IFNK: variants seen among roughly 807,000 people sequenced by gnomAD.
IFNK encodes the protein IFN-kappa.
Under a neutral mutation model 12.0 loss-of-function variants are expected in IFNK, and 13 were observed. The ratio of observed to expected loss-of-function variants is 1.08; its 90% CI spans 0.70 to 1.72. The LOEUF (loss-of-function observed/expected upper bound fraction) is 1.72, where lower values mean the gene tolerates loss of function less well. Ranked by LOEUF, IFNK falls within the 40% of genes most tolerant of loss-of-function variation. The pLI is 0.00. For synonymous variants in IFNK, 94 were observed against 82.3 expected, an observed-to-expected ratio of 1.14 and a Z score of -0.77; for missense variants, 248 against 237.0, an observed-to-expected ratio of 1.05 and a Z score of -0.30.
In IFNK at chr9:27,524,469, C is replaced by A. The variant is rs1820396823; in HGVS notation, c.133C>A (p.Leu45Met). 2 of 1,614,064 alleles carry A rather than the reference C, an allele frequency of 1.2e-6. No individual in the cohort carries two copies. Among genetic ancestry groups the A allele is most frequent in the Non-Finnish European group, 1.7e-6 (2 of 1,179,986 alleles). Residue 45 changes from leucine to methionine, a missense_variant, in exon 1 of 2, where the codon CTG (leucine) becomes ATG (methionine). Physicochemically the swap from Leu to Met is conservative, Grantham distance 15. Coordinates refer to ENST00000276943, the MANE Select transcript of IFNK (RefSeq NM_020124.3). ...CCTGAGAAGAGTCACCTGGCAAAAT[C>A]TGAGACATCTGAGTAGTATGAGCAA... Reference protein sequence around the residue: ...VHLRRVTWQNLRHLSSMSNSF... With the variant: ...VHLRRVTWQNMRHLSSMSNSF...
rs1157973358 is a variant in IFNK, at chr9:27,526,453, T to C, written c.*448T>C. The C allele has an allele frequency of 1.3e-5, 2 of 152,252 alleles. No homozygotes were observed. Among genetic ancestry groups the C allele is most frequent in the Non-Finnish European group, 2.9e-5 (2 of 68,044 alleles). 9.4% of individuals were successfully genotyped at this position (152,252 alleles called of 1,614,324 possible). A position where few individuals can be genotyped will look rare whatever the true frequency, so the allele number is the denominator to read the frequency against. Reference sequence around the variant, plus strand: ...GAGCATAAAATATATACTTGCTATTTTTCATGACTTTCTCTAATAAAGTCT... The same window carrying C: ...GAGCATAAAATATATACTTGCTATTCTTCATGACTTTCTCTAATAAAGTCT... On this transcript the variant is annotated 3_prime_UTR_variant, in exon 2 of 2. Coordinates refer to ENST00000276943, the MANE Select transcript of IFNK (RefSeq NM_020124.3).
In IFNK at chr9:27,524,692, A is replaced by C; in HGVS notation, c.356A>C (p.Asp119Ala). 1.2e-6 allele frequency: 2 copies of C among 1,614,130 alleles called. No individual in the cohort carries two copies. Among genetic ancestry groups the C allele is most frequent in the Non-Finnish European group, 1.7e-6 (2 of 1,180,000 alleles). Residue 119 changes from aspartate (D) to alanine (A), a missense_variant, in exon 1 of 2, where the codon GAT becomes GCT. By Grantham distance (126) the Asp-to-Ala change is moderately radical. Transcript: ENST00000276943. The stretch of plus-strand genomic sequence containing the variant: ...CTCAAACAAATCCAAATAGGACTTG[A>C]TCAGCAAGCAGAGTACCTGAACCAA... ...RHLKQIQIGL[D>A]QQAEYLNQCL...
In IFNK at chr9:27,524,886, G is replaced by A. The variant is rs1820406310; in HGVS notation, c.550G>A (p.Glu184Lys). Residue 184 changes from glutamate (E) to lysine (K), a missense_variant, in exon 1 of 2, where the codon GAG becomes AAG. By Grantham distance (56) the Glu-to-Lys change is moderately conservative. Coordinates refer to ENST00000276943, the MANE Select transcript of IFNK (RefSeq NM_020124.3). ...KEKKYSDCAWEIVRVEIRRCL... is the reference protein window; with the variant it reads ...KEKKYSDCAWKIVRVEIRRCL... ...AAAGAAATACAGTGACTGTGCCTGG[G>A]AGATTGTCCGAGTGGAAATCAGAAG... 7 of 1,613,134 alleles carry A rather than the reference G, an allele frequency of 4.3e-6. No individual in the cohort carries two copies. The highest frequency in any genetic ancestry group is 5.9e-6 in the Non-Finnish European group (7 of 1,179,784).
chr9:27,524,671 A>G lies in IFNK; in HGVS notation c.335A>G (p.Lys112Arg), dbSNP rs776197055. The G allele has an allele frequency of 2.1e-5, 34 of 1,614,130 alleles. No homozygotes were observed. Among genetic ancestry groups the G allele is most frequent in the Non-Finnish European group, 2.6e-5 (31 of 1,180,002 alleles). The change falls in exon 1 of 2, where the codon AAA becomes AGA. Residue 112 changes from lysine to arginine, a missense_variant. Lys to Arg is a conservative substitution (Grantham distance 26). Coordinates refer to ENST00000276943, the MANE Select transcript of IFNK (RefSeq NM_020124.3). The stretch of plus-strand genomic sequence containing the variant: ...AAATATTGGAAAGAGAGACACCTCA[A>G]ACAAATCCAAATAGGACTTGATCAG... ...TFKYWKERHLKQIQIGLDQQA... is the reference protein window; with the variant it reads ...TFKYWKERHLRQIQIGLDQQA...
At position 27,526,362 on chromosome 9, in the gene IFNK, G is replaced by A. The variant is rs911949258; in HGVS notation, c.*357G>A. 6.6e-6 allele frequency: 1 copy of A among 152,224 alleles called. No individual in the cohort carries two copies. The highest frequency in any genetic ancestry group is 2.4e-5 in the African/African-American group (1 of 41,452). The allele number at this position is 152,224 out of a possible 1,614,324, so 9.4% of individuals were successfully genotyped here. On this transcript the variant is annotated 3_prime_UTR_variant, in exon 2 of 2. Transcript: ENST00000276943. ...AACCATTTAGTAAAAATAACTATCA[G>A]CAGAGTTGTTCCAGATTAAAAATAG...
chr9:27,524,504 T>C lies in IFNK; in HGVS notation c.168T>C (p.Pro56=). Residue 56 remains proline (P), a synonymous_variant, in exon 1 of 2, where the codon CCT becomes CCC. Coordinates refer to ENST00000276943, the MANE Select transcript of IFNK (RefSeq NM_020124.3). ...TGAGTAGTATGAGCAATTCATTTCC[T>C]GTAGAATGTCTACGAGAAAACATAG... The part of the protein sequence containing the change: ...RHLSSMSNSF[P]VECLRENIAF... 6.2e-7 allele frequency: 1 copy of C among 1,614,128 alleles called. No individual in the cohort carries two copies. Among genetic ancestry groups the C allele is most frequent in the East Asian group, 2.2e-5 (1 of 44,884 alleles).
At chr9:27,525,663 T>G (rs1820425373) in intron 1 of IFNK, among the ~76,000 whole-genome samples, 1 of 152,216 alleles carries the variant, frequency 6.6e-6, no homozygotes, top group South Asian at 2.1e-4. Flanking sequence ...TGTATATTGT[T>G]TGATTCCTAC....
At chr9:27,525,176 T>G (rs1820416852) in intron 1 of IFNK, among the ~76,000 whole-genome samples, 1 of 152,194 alleles carries the variant, frequency 6.6e-6, no homozygotes, top group Non-Finnish European at 1.5e-5. Context: ...CTTTAAGACA[T>G]TTTTAAAGGA....
Position 27,524,945 on chromosome 9 carries a change from A to G in IFNK, c.609A>G (p.Leu203=), listed in dbSNP as rs1346378081. ...CLYYFYKFTA[L]FRRK ...ATTACTTTTACAAATTTACAGCTCT[A>G]TTCAGGAGGAAATAAGGTATATTTT... The change falls in exon 1 of 2, where the codon CTA becomes CTG. Residue 203 remains leucine (L), a synonymous_variant. Coordinates refer to ENST00000276943, the MANE Select transcript of IFNK (RefSeq NM_020124.3). 6.3e-7 allele frequency: 1 copy of G among 1,587,096 alleles called. No homozygotes were observed.
intron 1 of IFNK, among the ~76,000 whole-genome samples, chr9:27,525,447 G>A (rs558425259): frequency 1.3e-5 from 2 of 152,192 alleles, no homozygotes; most frequent in Non-Finnish European, 2.9e-5. Context: ...TCCCCCTCCT[G>A]CTCGGGGGGA....
In IFNK at chr9:27,524,686, G is replaced by C. The variant is rs1820402398; in HGVS notation, c.350G>C (p.Gly117Ala). The C allele has an allele frequency of 1.2e-6, 2 of 1,613,912 alleles. No homozygotes were observed. Among genetic ancestry groups the C allele is most frequent in the Non-Finnish European group, 1.7e-6 (2 of 1,179,976 alleles). ...AGACACCTCAAACAAATCCAAATAG[G>C]ACTTGATCAGCAAGCAGAGTACCTG... The part of the protein sequence containing the change: ...KERHLKQIQI[G>A]LDQQAEYLNQ... The change falls in exon 1 of 2, where the codon GGA (glycine) becomes GCA (alanine). Residue 117 changes from glycine to alanine, a missense_variant. Physicochemically the swap from Gly to Ala is moderately conservative, Grantham distance 60. Transcript: ENST00000276943.
At chr9:27,525,604 T>C (rs1457376514) in intron 1 of IFNK, among the ~76,000 whole-genome samples, 1 of 152,228 alleles carries the variant, frequency 6.6e-6, no homozygotes, top group East Asian at 1.9e-4. Flanking sequence ...AGCTTTCATT[T>C]AACCTTTGAG....
rs1820433374 is a variant in IFNK at position 27,526,145 on chromosome 9, A to G, written c.*140A>G. 1 of 152,236 alleles carries G rather than the reference A, an allele frequency of 6.6e-6. No homozygotes were observed. Among genetic ancestry groups the G allele is most frequent in the Non-Finnish European group, 1.5e-5 (1 of 68,042 alleles). The allele number at this position is 152,236 out of a possible 1,614,324, so 9.4% of individuals were successfully genotyped here. A position where few individuals can be genotyped will look rare whatever the true frequency, so the allele number is the denominator to read the frequency against. Reference sequence around the variant, plus strand: ...CTCATGCCACTAACAGCATGCTGCCAAACTGTTCAGATTCAAGATTATTCC... The same window carrying G: ...CTCATGCCACTAACAGCATGCTGCCGAACTGTTCAGATTCAAGATTATTCC... On this transcript the variant is annotated 3_prime_UTR_variant, in exon 2 of 2. Coordinates refer to ENST00000276943, the MANE Select transcript of IFNK (RefSeq NM_020124.3).
In IFNK at chr9:27,524,623, A is replaced by T. The variant is rs768558617; in HGVS notation, c.287A>T (p.Asn96Ile). The T allele has an allele frequency of 5.6e-6, 9 of 1,614,046 alleles. No individual in the cohort carries two copies. Among genetic ancestry groups the T allele is most frequent in the Non-Finnish European group, 6.8e-6 (8 of 1,180,004 alleles). Residue 96 changes from asparagine to isoleucine, a missense_variant, in exon 1 of 2, where the codon AAC becomes ATC. Transcript: ENST00000276943. ...TATGAAATGTCCCTACAGGCCTTCA[A>T]CATCTTCAGCCAACACACCTTCAAA... ...AFYEMSLQAF[N>I]IFSQHTFKYW...
At chr9:27,525,033 T>A in intron 1 of IFNK, 72 bp downstream of exon 1, 2 of 1,285,370 alleles carry the variant, frequency 1.6e-6, no homozygotes, top group Non-Finnish European at 2.1e-6. Flanking sequence ...AACTTCTTTT[T>A]AAGGATTGTT....
chr9:27,524,598 T>C lies in IFNK; in HGVS notation c.262T>C (p.Tyr88His). The C allele has an allele frequency of 6.2e-7, 1 of 1,614,146 alleles. No individual in the cohort carries two copies. Among genetic ancestry groups the C allele is most frequent in the Non-Finnish European group, 8.5e-7 (1 of 1,179,998 alleles). ...GAAGAGGGACATCAAGAAGGCCTTC[T>C]ATGAAATGTCCCTACAGGCCTTCAA... is the stretch of plus-strand genomic sequence containing the variant. ...PMKRDIKKAF[Y>H]EMSLQAFNIF... Residue 88 changes from tyrosine (Y) to histidine (H), a missense_variant, in exon 1 of 2, where the codon TAT becomes CAT. Tyr to His is a moderately conservative substitution (Grantham distance 83). Coordinates refer to ENST00000276943, the MANE Select transcript of IFNK (RefSeq NM_020124.3).
chr9:27,524,310 T>A lies in IFNK; in HGVS notation c.-27T>A. ...AAAACATCATTGTCATATACACATC[T>A]TCTGGATTTTTTAGCTTGCAAAAAA... is the stretch of plus-strand genomic sequence containing the variant. On this transcript the variant is annotated 5_prime_UTR_variant, in exon 1 of 2. Transcript: ENST00000276943. The A allele has an allele frequency of 1.9e-6, 3 of 1,599,350 alleles. No homozygotes were observed. Among genetic ancestry groups the A allele is most frequent in the Non-Finnish European group, 2.6e-6 (3 of 1,172,614 alleles).
At chr9:27,525,817 G>A (rs41272883) in intron 1 of IFNK, among the ~76,000 whole-genome samples, 190 bp from the exon 2 acceptor site, 12,190 of 152,256 alleles carry the variant, frequency 0.08, 643 homozygotes, top group Non-Finnish European at 0.11. Flanking sequence ...ACTACATTCT[G>A]TGAGTTAATT....
chr9:27,524,369 T>C lies in IFNK; in HGVS notation c.33T>C (p.Cys11=), dbSNP rs1386757324. MSTKPDMIQK[C]LWLEILMGIF... Reference sequence around the variant, plus strand: ...CCAAACCTGATATGATTCAAAAGTGTTTGTGGCTTGAGATCCTTATGGGTA... The same window carrying C: ...CCAAACCTGATATGATTCAAAAGTGCTTGTGGCTTGAGATCCTTATGGGTA... Residue 11 remains cysteine (C), a synonymous_variant, in exon 1 of 2, where the codon TGT becomes TGC. Transcript: ENST00000276943. 1 of 1,613,588 alleles carries C rather than the reference T, an allele frequency of 6.2e-7. No homozygotes were observed. The highest frequency in any genetic ancestry group is 1.3e-5 in the African/African-American group (1 of 74,862).
Sources: gnomAD v4.1 joint callset for allele counts (sites outside exome capture counted in the v4.1 genomes callset) on GRCh38, gnomAD v4.1.1 for gene constraint, MANE v1.5 for transcripts, NCBI Gene and HGNC (gene_info 2026-07-23, HGNC 2026-07-21) for gene names.